NYAP2: variants seen among roughly 807,000 people sequenced by gnomAD.
The protein encoded by NYAP2 is neuronal tyrosine-phosphorylated phosphoinositide-3-kinase adaptor 2.
A neutral mutation model predicts 50.4 loss-of-function variants in NYAP2; 23 were observed. That is an observed-to-expected ratio of 0.46 (90% CI 0.33 to 0.65). The LOEUF is 0.65. Ranked by LOEUF, NYAP2 falls within the 30% of genes least tolerant of loss-of-function variation. NYAP2 has a pLI of 0.02. For missense variants in NYAP2, 885 were observed against 861.0 expected, an observed-to-expected ratio of 1.03 and a Z score of -0.35; for synonymous variants, 394 against 365.2, an observed-to-expected ratio of 1.08 and a Z score of -0.90.
intron 6 of NYAP2, among the ~76,000 whole-genome samples, chr2:225,650,789 C>T (rs1396723454): frequency 6.6e-6 from 1 of 152,234 alleles, no homozygotes; most frequent in African/African-American, 2.4e-5. Context: ...ATGAAGGGAA[C>T]TCTTTCAGTC....
At chr2:225,613,899 G>T (rs1251299304) in intron 5 of NYAP2, among the ~76,000 whole-genome samples, 2 of 152,108 alleles carry the variant, frequency 1.3e-5, no homozygotes, top group Non-Finnish European at 2.9e-5. Context: ...ACAATAAAAA[G>T]AACGTAGACA....
At chr2:225,610,338 T>A (rs1692859451) in intron 5 of NYAP2, among the ~76,000 whole-genome samples, 1 of 152,102 alleles carries the variant, frequency 6.6e-6, no homozygotes, top group African/African-American at 2.4e-5. Flanking sequence ...ACTCCCTGTG[T>A]ATGCATACCT....
chr2:225,595,169 T>C (rs922849108), intron 5 of NYAP2, among the ~76,000 whole-genome samples: 2 of 152,198 alleles, frequency 1.3e-5, no homozygotes, highest in African/African-American at 2.4e-5. Flanking sequence ...TTTTCGTAGA[T>C]GGAACTGATA....
chr2:225,495,349 C>T (rs1232404473), intron 3 of NYAP2, among the ~76,000 whole-genome samples: 1 of 152,078 alleles, frequency 6.6e-6, no homozygotes, highest in Non-Finnish European at 1.5e-5. Context: ...AGATTGAACT[C>T]GACTGGAGGA....
At chr2:225,495,089 C>T (rs1374110623) in intron 3 of NYAP2, among the ~76,000 whole-genome samples, 1 of 152,094 alleles carries the variant, frequency 6.6e-6, no homozygotes, top group Non-Finnish European at 1.5e-5. Flanking sequence ...TAATAATTTA[C>T]AAGAAAATAT....
At chr2:225,457,605 G>A (rs1689759602) in intron 3 of NYAP2, among the ~76,000 whole-genome samples, 1 of 152,164 alleles carries the variant, frequency 6.6e-6, no homozygotes, top group Admixed American at 6.5e-5. Flanking sequence ...CAGGGAACAC[G>A]ATGGACTCTT....
chr2:225,399,446 C>T (rs531219195), upstream of NYAP2, among the ~76,000 whole-genome samples: 6 of 151,954 alleles, frequency 3.9e-5, no homozygotes, highest in African/African-American at 1.4e-4. Flanking sequence ...TGGGAAATAT[C>T]AGAAATAGAA....
At chr2:225,596,814 A>T (rs995614697) in intron 5 of NYAP2, among the ~76,000 whole-genome samples, 3 of 152,176 alleles carry the variant, frequency 2.0e-5, no homozygotes, top group Non-Finnish European at 4.4e-5. Context: ...CCCATTACTG[A>T]TTGGGGAAAG....
chr2:225,557,032 T>G (rs1691790309), intron 4 of NYAP2, among the ~76,000 whole-genome samples: 1 of 152,168 alleles, frequency 6.6e-6, no homozygotes, highest in South Asian at 2.1e-4. Context: ...ATGAGCATGG[T>G]TGAAAGAGGC....
At chr2:225,700,966 T>C in the NYAP2 span, 1 of 151,932 alleles carries the variant, frequency 6.6e-6, no homozygotes, top group African/African-American at 2.4e-5. Context: ...AAATGCATTA[T>C]TTTCTGAGGC....
At chr2:225,414,481 G>A (rs767570588) in intron 3 of NYAP2, among the ~76,000 whole-genome samples, 6 of 152,092 alleles carry the variant, frequency 3.9e-5, no homozygotes, top group Non-Finnish European at 8.8e-5. Context: ...TCACACAAAT[G>A]AGTTCCCTTG....
At chr2:225,511,928 C>A (rs1316424364) in intron 3 of NYAP2, among the ~76,000 whole-genome samples, 2 of 152,170 alleles carry the variant, frequency 1.3e-5, no homozygotes, top group East Asian at 3.9e-4. Flanking sequence ...TTCCAAACTT[C>A]ATATACTCAG....
the NYAP2 span, among the ~76,000 whole-genome samples, chr2:225,663,024 A>G: frequency 6.6e-6 from 1 of 152,226 alleles, no homozygotes; most frequent in South Asian, 2.1e-4. Context: ...CAGAAGTGTT[A>G]AATGTGTTCA....
At chr2:225,605,128 G>T (rs1692763224) in intron 5 of NYAP2, among the ~76,000 whole-genome samples, 1 of 152,040 alleles carries the variant, frequency 6.6e-6, no homozygotes, top group South Asian at 2.1e-4. Context: ...GAATGGAAAC[G>T]ATATTTTTCT....
chr2:225,689,974 T>C, the NYAP2 span, among the ~76,000 whole-genome samples: 197 of 152,260 alleles, frequency 1.3e-3, no homozygotes, highest in African/African-American at 4.6e-3. Flanking sequence ...GCCAATGGAA[T>C]TGAAAAGCCC....
chr2:225,407,589 A>G (rs1288405643), intron 2 of NYAP2, among the ~76,000 whole-genome samples: 1 of 151,976 alleles, frequency 6.6e-6, no homozygotes, highest in African/African-American at 2.4e-5. Flanking sequence ...CTATACCTGT[A>G]AAAAAATCAG....
At chr2:225,514,603 C>T (rs1002191721) in intron 4 of NYAP2, among the ~76,000 whole-genome samples, 2 of 152,114 alleles carry the variant, frequency 1.3e-5, no homozygotes, top group African/African-American at 4.8e-5. Context: ...TTCCTGAAAG[C>T]ACTGCTCTCC....
chr2:225,618,100 A>G (rs1187167861), intron 5 of NYAP2, among the ~76,000 whole-genome samples: 2 of 152,196 alleles, frequency 1.3e-5, no homozygotes, highest in African/African-American at 4.8e-5. Flanking sequence ...CAACGTTTTA[A>G]TGTAATACCC....
intron 3 of NYAP2, among the ~76,000 whole-genome samples, chr2:225,509,465 T>C (rs781749845): frequency 2.0e-5 from 3 of 152,160 alleles, no homozygotes; most frequent in Non-Finnish European, 2.9e-5. Flanking sequence ...GCTGGAGTGG[T>C]GCAGTGGCAT....
Sources: gnomAD v4.1 joint callset for allele counts (sites outside exome capture counted in the v4.1 genomes callset) on GRCh38, gnomAD v4.1.1 for gene constraint, MANE v1.5 for transcripts, NCBI Gene and HGNC (gene_info 2026-07-23, HGNC 2026-07-21) for gene names.